PLCH1: variants seen among roughly 807,000 people sequenced by gnomAD.
PLCH1 encodes the protein phospholipase C eta 1.
Under a neutral mutation model 126.7 loss-of-function variants are expected in PLCH1, and 60 were observed. The observed-to-expected ratio is 0.47, with a 90% CI of 0.38 to 0.59. The LOEUF (loss-of-function observed/expected upper bound fraction) is 0.59. PLCH1 is among the 20% of genes least tolerant of loss of function. The probability of loss-of-function intolerance (pLI) is 0.00; values close to 1 mark genes in which losing one functional copy is unlikely to be tolerated. For missense variants in PLCH1, 1,723 were observed against 2,040.0 expected (o/e 0.84, Z 2.99); for synonymous variants, 719 against 734.9 (o/e 0.98, Z 0.35).
intron 2 of PLCH1, among the ~76,000 whole-genome samples, chr3:155,608,370 G>A (rs191338877): frequency 6.6e-6 from 1 of 152,342 alleles, no homozygotes; most frequent in Admixed American, 6.5e-5. Flanking sequence ...GGCTGACAGT[G>A]TGAGCAGGCA....
intron 21 of PLCH1, among the ~76,000 whole-genome samples, chr3:155,472,769 T>C (rs1274436244): frequency 4.7e-5 from 7 of 150,244 alleles, no homozygotes; most frequent in Non-Finnish European, 9.0e-5. Flanking sequence ...CAAGGCTGGT[T>C]CAATATACGT....
intron 2 of PLCH1, among the ~76,000 whole-genome samples, chr3:155,657,465 T>C (rs1741544720): frequency 6.6e-6 from 1 of 152,136 alleles, no homozygotes; most frequent in South Asian, 2.1e-4. Context: ...CGGAGATAGA[T>C]GCGGACTCTA....
chr3:155,494,527 T>C lies in PLCH1; in HGVS notation c.1895-10A>G, dbSNP rs758822505. 2 of 1,505,664 alleles carry C rather than the reference T, an allele frequency of 1.3e-6. No homozygotes were observed. The highest frequency in any genetic ancestry group is 1.1e-5 in the South Asian group (1 of 87,320). 93.3% of individuals were successfully genotyped at this position (1,505,664 alleles called of 1,614,324 possible). ...ACATTTCCTGTGGTTCCTGGCAGTTTTTAATCGAGAAAAAAGGAAGTGAGA... is the reference window on the plus strand; with the variant it reads ...ACATTTCCTGTGGTTCCTGGCAGTTCTTAATCGAGAAAAAAGGAAGTGAGA... On this transcript the variant is annotated splice_polypyrimidine_tract_variant and intron_variant, in intron 15 of 22. Transcript: ENST00000460012.
chr3:155,524,152 G>T (rs1721587373), intron 10 of PLCH1, 148 bp from the exon 11 acceptor site: 2 of 657,256 alleles, frequency 3.0e-6, no homozygotes, highest in South Asian at 3.7e-5. Context: ...TAAGAAGAAG[G>T]AAATTCTGAT....
At chr3:155,654,279 G>T (rs1017107057) in intron 2 of PLCH1, among the ~76,000 whole-genome samples, 23 of 151,744 alleles carry the variant, frequency 1.5e-4, no homozygotes, top group Non-Finnish European at 5.9e-5. Flanking sequence ...GATAAATCTG[G>T]AGGAGCCCAG....
At chr3:155,569,766 T>C (rs1478603121) in intron 6 of PLCH1, among the ~76,000 whole-genome samples, 1 of 152,206 alleles carries the variant, frequency 6.6e-6, no homozygotes, top group African/African-American at 2.4e-5. Flanking sequence ...TTATTTTGTT[T>C]ATAAGCCCAT....
chr3:155,544,366 G>A (rs1278719571), intron 10 of PLCH1, among the ~76,000 whole-genome samples: 1 of 152,132 alleles, frequency 6.6e-6, no homozygotes, highest in Non-Finnish European at 1.5e-5. Context: ...ACCCAATACA[G>A]GAGCACCCAG....
At chr3:155,641,112 A>G (rs987153651) in intron 2 of PLCH1, among the ~76,000 whole-genome samples, 1 of 152,062 alleles carries the variant, frequency 6.6e-6, no homozygotes, top group African/African-American at 2.4e-5. Context: ...TGCAATAAGA[A>G]AGAATTTAGC....
rs1372769545 is a variant in PLCH1 at position 155,481,893 on chromosome 3, G to C, written c.4133C>G (p.Ser1378Cys). The change falls in exon 23 of 23, where the codon TCT (serine) becomes TGT (cysteine). Residue 1378 changes from serine to cysteine, a missense_variant. Coordinates refer to ENST00000460012, the MANE Select transcript of PLCH1 (RefSeq NM_014996.4). The surrounding 1 kb of genome is among the most constrained non-coding windows in gnomAD (Gnocchi z 4.2). Reference protein sequence around the residue: ...YRREGTSQLASPLKLKYNQGV... With the variant: ...YRREGTSQLACPLKLKYNQGV... ...CTGATTGTACTTGAGTTTTAAAGGA[G>C]AAGCAAGTTGACTTGTGCCCTCTCT... 7 of 1,614,078 alleles carry C rather than the reference G, an allele frequency of 4.3e-6. No homozygotes were observed. The highest frequency in any genetic ancestry group is 1.3e-5 in the African/African-American group (1 of 74,946).
At chr3:155,684,269 TG>T (rs1174211704) in intron 2 of PLCH1, among the ~76,000 whole-genome samples, 1 of 151,962 alleles carries the variant, frequency 6.6e-6, no homozygotes, top group African/African-American at 2.4e-5. Context: ...AACCATAAAT[TG>T]GGGGAAGCGG....
chr3:155,564,050 C>A (rs1727981681), intron 8 of PLCH1, among the ~76,000 whole-genome samples: 2 of 152,234 alleles, frequency 1.3e-5, no homozygotes, highest in South Asian at 4.2e-4. Flanking sequence ...TGGTCCCAAG[C>A]AATCCTCCCA....
chr3:155,686,292 G>A (rs768997486), intron 2 of PLCH1, among the ~76,000 whole-genome samples: 5 of 152,234 alleles, frequency 3.3e-5, no homozygotes, highest in Non-Finnish European at 7.4e-5. Flanking sequence ...TTACAGACAG[G>A]GGCCATTTGT....
Position 155,494,323 on chromosome 3 carries a change from C to A in PLCH1, c.2074+15G>T, listed in dbSNP as rs1354424652. On this transcript the variant is annotated intron_variant, in intron 16 of 22. Transcript: ENST00000460012. ...AGAATATACAGAGAACCACTCCTTCCCAAGGAATACACACCTAGCTGGCAG... is the reference window on the plus strand; with the variant it reads ...AGAATATACAGAGAACCACTCCTTCACAAGGAATACACACCTAGCTGGCAG... 3 of 1,613,620 alleles carry A rather than the reference C, an allele frequency of 1.9e-6. No individual in the cohort carries two copies. Among genetic ancestry groups the A allele is most frequent in the Non-Finnish European group, 2.5e-6 (3 of 1,179,724 alleles).
At chr3:155,641,278 T>C (rs1739369646) in intron 2 of PLCH1, among the ~76,000 whole-genome samples, 1 of 152,028 alleles carries the variant, frequency 6.6e-6, no homozygotes, top group African/African-American at 2.4e-5. Context: ...AAATTAAAAA[T>C]CTTGATAATT....
At chr3:155,484,188 G>C (rs1714638236) in intron 22 of PLCH1, among the ~76,000 whole-genome samples, 1 of 152,050 alleles carries the variant, frequency 6.6e-6, no homozygotes, top group Non-Finnish European at 1.5e-5. Flanking sequence ...TTTAAAAGTA[G>C]ACAAGAAACA....
intron 2 of PLCH1, among the ~76,000 whole-genome samples, 194 bp downstream of exon 2, chr3:155,703,952 G>T (rs1483844454): frequency 6.6e-6 from 1 of 152,182 alleles, no homozygotes; most frequent in Non-Finnish European, 1.5e-5. Context: ...TAGTCGTTGA[G>T]GTGGGGCCCA....
intron 10 of PLCH1, among the ~76,000 whole-genome samples, chr3:155,544,129 A>G (rs1482098167): frequency 7.9e-5 from 12 of 152,146 alleles, no homozygotes; most frequent in Admixed American, 7.9e-4. Context: ...AGTGTGCTGT[A>G]TTCAGGAAAC....
chr3:155,703,143 C>T (rs562423283), intron 2 of PLCH1, among the ~76,000 whole-genome samples: 14 of 152,228 alleles, frequency 9.2e-5, no homozygotes, highest in African/African-American at 2.4e-4. Flanking sequence ...GTATAATGAA[C>T]GTTGAAAAAA....
At chr3:155,469,244 C>T (rs968864287) in intron 21 of PLCH1, among the ~76,000 whole-genome samples, 24 of 152,138 alleles carry the variant, frequency 1.6e-4, no homozygotes, top group East Asian at 9.6e-4. Flanking sequence ...CGAAGCAGGG[C>T]GAGGCATTGC....
Sources: gnomAD v4.1 joint callset for allele counts (sites outside exome capture counted in the v4.1 genomes callset) on GRCh38, gnomAD v4.1.1 for gene constraint, Gnocchi (gnomAD v3.1) non-coding constraint, MANE v1.5 for transcripts, NCBI Gene and HGNC (gene_info 2026-07-23, HGNC 2026-07-21) for gene names.